Variants in ENPEP observed in about 807,000 individuals in gnomAD.
ENPEP encodes the protein AP-A.
In ENPEP, 103 loss-of-function variants were observed where a neutral mutation model predicts 114.5. The observed-to-expected ratio is 0.90, with a 90% CI of 0.77 to 1.06. The LOEUF is 1.06. Among genes scored for constraint, ENPEP ranks in the 50% least tolerant of loss-of-function variants. The probability of loss-of-function intolerance (pLI) is 0.00; values close to 1 mark genes in which losing one functional copy is unlikely to be tolerated. For missense variants in ENPEP, 1,196 were observed against 1,161.3 expected (o/e 1.03, Z -0.43); for synonymous variants, 420 against 422.0 (o/e 1.00, Z 0.06).
At chr4:110,489,248 T>TG (rs1275205863) in intron 2 of ENPEP, among the ~76,000 whole-genome samples, 1 of 149,370 alleles carries the variant, frequency 6.7e-6, no homozygotes, top group Non-Finnish European at 1.5e-5. Flanking sequence ...GATGAGTTCA[T>TG]GTCCTTTGCA....
chr4:110,544,468 G>A (rs191013430), intron 13 of ENPEP, among the ~76,000 whole-genome samples: 1 of 152,000 alleles, frequency 6.6e-6, no homozygotes, highest in Non-Finnish European at 1.5e-5. Flanking sequence ...TTAACCTCCT[G>A]GATATGTAAT....
chr4:110,492,129 C>G (rs912471584), intron 3 of ENPEP, among the ~76,000 whole-genome samples: 7 of 152,024 alleles, frequency 4.6e-5, no homozygotes, highest in African/African-American at 1.7e-4. Flanking sequence ...GTCTAGTAAG[C>G]CAGTTAATTC....
Position 110,564,415 on chromosome 4 carries a change from T to A in ENPEP, c.*2857T>A, listed in dbSNP as rs898792684. 2.0e-5 allele frequency: 3 copies of A among 152,198 alleles called. No homozygotes were observed. Among genetic ancestry groups the A allele is most frequent in the Non-Finnish European group, 4.4e-5 (3 of 68,032 alleles). 9.4% of individuals were successfully genotyped at this position (152,198 alleles called of 1,614,324 possible). ...TTTTAACCTCTCCATTGTTGTTTCA[T>A]CTATAAAGTAAGGATCAAAATAGTA... is the stretch of plus-strand genomic sequence containing the variant. On this transcript the variant is annotated 3_prime_UTR_variant, in exon 20 of 20. Coordinates refer to ENST00000265162, the MANE Select transcript of ENPEP (RefSeq NM_001977.4).
rs1725530084 is a variant in ENPEP at position 110,510,372 on chromosome 4, A to G, written c.1308+14A>G. 6.3e-6 allele frequency: 10 copies of G among 1,592,492 alleles called. No individual in the cohort carries two copies. In the East Asian group the frequency reaches 6.7e-5, roughly 11 times the overall value. ...GACTGGCAAATGGTGAGTCCTAAAC[A>G]CATAAACTTGAAATCTCTCTTTTCC... On this transcript the variant is annotated intron_variant, in intron 6 of 19. Coordinates refer to ENST00000265162, the MANE Select transcript of ENPEP (RefSeq NM_001977.4).
In ENPEP at chr4:110,549,628, G is replaced by C. The variant is rs140475203; in HGVS notation, c.2326G>C (p.Val776Leu). Residue 776 changes from valine to leucine, a missense_variant, in exon 16 of 20, where the codon GTA becomes CTA. Coordinates refer to ENST00000265162, the MANE Select transcript of ENPEP (RefSeq NM_001977.4). ...ATTTGAGCAGTGGCTAAATGGGACT[G>C]TAAGGTGATTACTCACATTGTTATG... ...SLFEQWLNGTVSLPVNLRLLV... is the reference protein window; with the variant it reads ...SLFEQWLNGTLSLPVNLRLLV... The C allele has an allele frequency of 9.3e-6, 15 of 1,613,330 alleles. No homozygotes were observed. Among genetic ancestry groups the C allele is most frequent in the Non-Finnish European group, 1.3e-5 (15 of 1,179,618 alleles).
chr4:110,564,684 T>C lies in ENPEP; in HGVS notation c.*3126T>C, dbSNP rs1037163524. On this transcript the variant is annotated 3_prime_UTR_variant, in exon 20 of 20. Transcript: ENST00000265162. ...AGCCTGTGTTATTGTTCATAAATAG[T>C]AATTGCCCTGGTCTGGAAGAGGATT... 1 of 152,200 alleles carries C rather than the reference T, an allele frequency of 6.6e-6. No individual in the cohort carries two copies. Among genetic ancestry groups the C allele is most frequent in the Non-Finnish European group, 1.5e-5 (1 of 68,030 alleles). The allele number at this position is 152,200 out of a possible 1,614,324, so 9.4% of individuals were successfully genotyped here. A position where few individuals can be genotyped will look rare whatever the true frequency, so the allele number is the denominator to read the frequency against.
intron 10 of ENPEP, among the ~76,000 whole-genome samples, chr4:110,529,516 G>A (rs1234417809): frequency 2.0e-5 from 3 of 152,176 alleles, no homozygotes; most frequent in African/African-American, 7.2e-5. Context: ...GTATGAAGCA[G>A]GTCCTGAAGA....
chr4:110,525,495 C>T (rs186368511), intron 10 of ENPEP, among the ~76,000 whole-genome samples: 143 of 152,346 alleles, frequency 9.4e-4, no homozygotes, highest in African/African-American at 3.3e-3. Flanking sequence ...TTCCCACCCA[C>T]GTGTCCTCTA....
chr4:110,561,036 T>A (rs1278917340), intron 19 of ENPEP, among the ~76,000 whole-genome samples: 1 of 151,892 alleles, frequency 6.6e-6, no homozygotes, highest in Non-Finnish European at 1.5e-5. Flanking sequence ...ACTCCTGGAG[T>A]GAAAGGCTAA....
chr4:110,520,749 G>C (rs1725958278), intron 10 of ENPEP, among the ~76,000 whole-genome samples: 1 of 152,162 alleles, frequency 6.6e-6, no homozygotes, highest in African/African-American at 2.4e-5. Flanking sequence ...CCTATCCCTA[G>C]ACAGGTTCTA....
At chr4:110,480,543 C>T (rs573689004) in intron 1 of ENPEP, among the ~76,000 whole-genome samples, 1 of 152,230 alleles carries the variant, frequency 6.6e-6, no homozygotes, top group Non-Finnish European at 1.5e-5. Flanking sequence ...CTGACCTTAA[C>T]GTAAAATGTA....
intron 3 of ENPEP, among the ~76,000 whole-genome samples, chr4:110,494,620 A>G (rs550430248): frequency 3.4e-4 from 52 of 152,322 alleles, no homozygotes; most frequent in African/African-American, 1.2e-3. Flanking sequence ...TTAATAGTTT[A>G]GTTGGAGAGA....
chr4:110,558,104 T>C (rs1041824580), intron 18 of ENPEP, among the ~76,000 whole-genome samples: 1 of 137,428 alleles, frequency 7.3e-6, no homozygotes, highest in Non-Finnish European at 1.5e-5. Context: ...CAGTGGATCC[T>C]CTCATCTCAG....
At chr4:110,558,711 G>A (rs1727577656) in intron 18 of ENPEP, among the ~76,000 whole-genome samples, 1 of 152,172 alleles carries the variant, frequency 6.6e-6, no homozygotes, top group African/African-American at 2.4e-5. Flanking sequence ...TTCTTGCACT[G>A]TGATTAGTTG....
At chr4:110,486,572 A>T (rs1237949585) in intron 1 of ENPEP, among the ~76,000 whole-genome samples, 1 of 152,114 alleles carries the variant, frequency 6.6e-6, no homozygotes, top group Non-Finnish European at 1.5e-5. Flanking sequence ...GCAAACCAAG[A>T]GATTGTGACC....
At position 110,564,437 on chromosome 4, in the gene ENPEP, A is replaced by AGTAGCTACCTCAATG. The variant is rs1211228069; in HGVS notation, c.*2884_*2898dup. The AGTAGCTACCTCAATG allele has an allele frequency of 6.6e-6, 1 of 152,250 alleles. No individual in the cohort carries two copies. Among genetic ancestry groups the AGTAGCTACCTCAATG allele is most frequent in the African/African-American group, 2.4e-5 (1 of 41,472 alleles). The allele number at this position is 152,250 out of a possible 1,614,324, so 9.4% of individuals were successfully genotyped here. A position where few individuals can be genotyped will look rare whatever the true frequency, so the allele number is the denominator to read the frequency against. On this transcript the variant is annotated 3_prime_UTR_variant, in exon 20 of 20. Coordinates refer to ENST00000265162, the MANE Select transcript of ENPEP (RefSeq NM_001977.4). ...TCATCTATAAAGTAAGGATCAAAATAGTAGCTACCTCAATGGTAGTTGTGA... is the reference window on the plus strand; with the variant it reads ...TCATCTATAAAGTAAGGATCAAAATAGTAGCTACCTCAATGGTAGCTACCTCAATGGTAGTTGTGA...
At chr4:110,480,169 T>C (rs562608405) in intron 1 of ENPEP, among the ~76,000 whole-genome samples, 17 of 152,380 alleles carry the variant, frequency 1.1e-4, no homozygotes, top group Non-Finnish European at 2.4e-4. Flanking sequence ...GTTGAAGCTC[T>C]CACATTACAA....
intron 13 of ENPEP, among the ~76,000 whole-genome samples, chr4:110,543,412 A>G (rs1029117098): frequency 6.6e-6 from 1 of 152,120 alleles, no homozygotes; most frequent in Non-Finnish European, 1.5e-5. Flanking sequence ...AAGACAAACA[A>G]TGTATTTTAT....
At chr4:110,487,440 C>T (rs1174054609) in intron 1 of ENPEP, among the ~76,000 whole-genome samples, 1 of 152,116 alleles carries the variant, frequency 6.6e-6, no homozygotes, top group Admixed American at 6.5e-5. Context: ...TCATAATTTC[C>T]TCTGTTATAA....
Sources: gnomAD v4.1 joint callset for allele counts (sites outside exome capture counted in the v4.1 genomes callset) on GRCh38, gnomAD v4.1.1 for gene constraint, MANE v1.5 for transcripts, NCBI Gene and HGNC (gene_info 2026-07-23, HGNC 2026-07-21) for gene names.